Variants in PCDHA7 observed in about 807,000 individuals in gnomAD.
PCDHA7 encodes the protein protocadherin alpha 7.
A neutral mutation model predicts 57.2 loss-of-function variants in PCDHA7; 37 were observed. The ratio of observed to expected loss-of-function variants is 0.65; its 90% CI spans 0.50 to 0.85. The LOEUF is 0.85. Among genes scored for constraint, PCDHA7 ranks in the 40% least tolerant of loss-of-function variants. PCDHA7 has a pLI of 0.00. For missense variants in PCDHA7, 1,188 were observed against 1,241.8 expected (o/e 0.96, Z 0.65); for synonymous variants, 553 against 558.8 (o/e 0.99, Z 0.15).
intron 1 of PCDHA7, chr5:140,870,179 G>T (rs184228916): frequency 2.5e-6 from 4 of 1,613,986 alleles, no homozygotes; most frequent in African/African-American, 2.7e-5. Context: ...CTCCCAGTAC[G>T]AGAGGACGCT....
At chr5:140,872,997 A>G (rs1391702817) in intron 1 of PCDHA7, among the ~76,000 whole-genome samples, 2 of 152,104 alleles carry the variant, frequency 1.3e-5, no homozygotes, top group East Asian at 3.9e-4. Flanking sequence ...TTTACTTCTG[A>G]GTCATTCTTC....
chr5:140,884,745 A>G (rs1479357916), intron 1 of PCDHA7: 20 of 1,431,734 alleles, frequency 1.4e-5, no homozygotes, highest in Non-Finnish European at 1.7e-5. Context: ...TTTCCTGCCA[A>G]TTTCAAATTA....
At chr5:140,846,476 A>G (rs2150391448) in intron 1 of PCDHA7, among the ~76,000 whole-genome samples, 10 of 143,712 alleles carry the variant, frequency 7.0e-5, no homozygotes, top group Admixed American at 2.1e-4. Context: ...CCGGGTTCAA[A>G]TGATTCTCCT....
At chr5:140,963,531 TTTAC>T (rs1391697303) in intron 1 of PCDHA7, among the ~76,000 whole-genome samples, 2 of 152,218 alleles carry the variant, frequency 1.3e-5, no homozygotes, top group African/African-American at 4.8e-5. Flanking sequence ...AGAAGTCCCA[TTTAC>T]TTCATGATAT....
intron 1 of PCDHA7, chr5:140,869,684 T>A: frequency 6.2e-7 from 1 of 1,613,486 alleles, no homozygotes; most frequent in Non-Finnish European, 8.5e-7. Context: ...AGACTGTCAC[T>A]TATTTTAAAG....
chr5:140,907,598 A>G (rs2073483512), intron 1 of PCDHA7, among the ~76,000 whole-genome samples: 1 of 152,198 alleles, frequency 6.6e-6, no homozygotes, highest in Admixed American at 6.5e-5. Context: ...CACCCTGAGG[A>G]ATGGTGCCAT....
At chr5:140,947,027 A>G (rs554018076) in intron 1 of PCDHA7, among the ~76,000 whole-genome samples, 2 of 151,820 alleles carry the variant, frequency 1.3e-5, no homozygotes, top group African/African-American at 2.4e-5. Context: ...GAGGTAATGG[A>G]TATACTAATT....
intron 1 of PCDHA7, chr5:140,882,638 A>G (rs2059233239): frequency 5.0e-6 from 8 of 1,614,116 alleles, no homozygotes; most frequent in African/African-American, 1.3e-5. Context: ...GGTGAAGGTG[A>G]GGGACATTAA....
intron 1 of PCDHA7, among the ~76,000 whole-genome samples, chr5:140,886,110 G>A (rs1332872994): frequency 6.6e-6 from 1 of 152,164 alleles, no homozygotes; most frequent in Non-Finnish European, 1.5e-5. Context: ...CAGTAAAGAA[G>A]TAACATAGTT....
rs148688132 is a variant in PCDHA7, at chr5:140,902,203, CTT to C, written c.2355+65482_2355+65483del. Among the ~76,000 whole-genome samples the C allele has an allele frequency of 5.2e-3, 642 of 124,424 alleles. 3 individuals are homozygous for C. The highest frequency in any genetic ancestry group is 0.019 in the African/African-American group (601 of 32,314). 81.6% of individuals were successfully genotyped at this position (124,424 alleles called of 152,430 possible). The stretch of plus-strand genomic sequence containing the variant: ...TTATGTCTTCTCTCTCTCTCTCTTT[CTT>C]TTTTTTTTTTTTTTTTGAGATGAGG... On this transcript the variant is annotated intron_variant, in intron 1 of 3. Coordinates refer to ENST00000525929, the MANE Select transcript of PCDHA7 (RefSeq NM_018910.3).
intron 1 of PCDHA7, chr5:140,843,383 G>C: frequency 6.3e-7 from 1 of 1,596,120 alleles, no homozygotes; most frequent in African/African-American, 1.3e-5. Context: ...TGGCGTTTTG[G>C]GTCCGGAAGC....
intron 1 of PCDHA7, chr5:140,968,773 A>G (rs528972800): frequency 4.3e-6 from 7 of 1,614,206 alleles, no homozygotes; most frequent in Non-Finnish European, 5.1e-6. Flanking sequence ...GAGAGCCATC[A>G]CTATCAGCCT....
chr5:140,946,611 A>AATATATATATAT lies in PCDHA7; in HGVS notation c.2356-32328_2356-32317dup, dbSNP rs1554217734. 3.4e-3 allele frequency among the ~76,000 whole-genome samples: 291 copies of AATATATATATAT among 86,770 alleles called. 7 individuals carry two copies. The highest frequency in any genetic ancestry group is 4.0e-3 in the Non-Finnish European group (186 of 46,640). 56.9% of individuals were successfully genotyped at this position (86,770 alleles called of 152,430 possible). A position where few individuals can be genotyped will look rare whatever the true frequency, so the allele number is the denominator to read the frequency against. On this transcript the variant is annotated intron_variant, in intron 1 of 3. Coordinates refer to ENST00000525929, the MANE Select transcript of PCDHA7 (RefSeq NM_018910.3). ...GGATGAATAGATAAAGAAAATGTGA[A>AATATATATATAT]ATATATATATATATATATATACAAT...
chr5:140,892,509 A>G (rs2063553980), intron 1 of PCDHA7, among the ~76,000 whole-genome samples: 1 of 152,220 alleles, frequency 6.6e-6, no homozygotes, highest in Admixed American at 6.5e-5. Context: ...AAGAAGTTCC[A>G]CCATGACTGG....
At chr5:140,868,865 G>A (rs1554162260) in intron 1 of PCDHA7, 2 of 582,344 alleles carry the variant, frequency 3.4e-6, no homozygotes. Context: ...GGTAAATGCA[G>A]TGCACAGTAC....
intron 1 of PCDHA7, chr5:140,883,658 G>T (rs573544891): frequency 6.2e-7 from 1 of 1,613,994 alleles, no homozygotes; most frequent in Non-Finnish European, 8.5e-7. Context: ...CACGGTGTTC[G>T]TGAAGGAAAA....
chr5:140,956,678 A>C (rs1442214825), intron 1 of PCDHA7, among the ~76,000 whole-genome samples: 2 of 152,104 alleles, frequency 1.3e-5, no homozygotes, highest in Non-Finnish European at 2.9e-5. Context: ...GTTAGGGAGG[A>C]GTACCTCCTT....
At chr5:140,938,468 A>T (rs1427570517) in intron 1 of PCDHA7, among the ~76,000 whole-genome samples, 1 of 152,096 alleles carries the variant, frequency 6.6e-6, no homozygotes, top group Non-Finnish European at 1.5e-5. Flanking sequence ...TTAATTTATT[A>T]TGTTTTTTAA....
chr5:140,999,040 G>A (rs1450256691), intron 3 of PCDHA7, among the ~76,000 whole-genome samples: 2 of 152,218 alleles, frequency 1.3e-5, no homozygotes, highest in African/African-American at 2.4e-5. Context: ...TTCGTCCAGT[G>A]TGCTTTCCAC....
Sources: allele counts gnomAD v4.1 joint callset (sites outside exome capture counted in the v4.1 genomes callset), GRCh38; gene constraint gnomAD v4.1.1; transcripts MANE v1.5; gene names NCBI Gene and HGNC (gene_info 2026-07-23, HGNC 2026-07-21).